Variants in FTSJ3 observed in about 807,000 individuals in gnomAD.
FTSJ3 encodes the protein pre-rRNA 2'-O-ribose RNA methyltransferase FTSJ3.
A neutral mutation model predicts 111.5 loss-of-function variants in FTSJ3; 46 were observed. The observed-to-expected ratio is 0.41, with a 90% CI of 0.33 to 0.53. The LOEUF is 0.53. Ranked by LOEUF, FTSJ3 falls within the 20% of genes least tolerant of loss-of-function variation. FTSJ3 has a pLI of 0.19. For missense variants in FTSJ3, 1,075 were observed against 1,063.8 expected, an observed-to-expected ratio of 1.01 and a Z score of -0.15; for synonymous variants, 408 against 383.0, an observed-to-expected ratio of 1.07 and a Z score of -0.76.
In FTSJ3 at chr17:63,825,161, A is replaced by T. The variant is rs915555606; in HGVS notation, c.598T>A (p.Phe200Ile). The change falls in exon 8 of 21, where the codon TTC becomes ATC. Residue 200 changes from phenylalanine (F) to isoleucine (I), a missense_variant and splice_region_variant. Physicochemically the swap from Phe to Ile is conservative, Grantham distance 21 (BLOSUM62 0). This residue lies in a region of FTSJ3 where 208 missense variants were observed against 266.9 expected (regional missense o/e 0.78). Transcript: ENST00000427159. ...CTGTCAACCTTGTCAGGGGCCAGGA[A>T]TCCTAAAAATGACAGGATATATTAA... ...SAEIFVVCQG[F>I]LAPDKVDSKF... 10 of 1,614,052 alleles carry T rather than the reference A, an allele frequency of 6.2e-6. No homozygotes were observed. The highest frequency in any genetic ancestry group is 3.3e-5 in the Admixed American group (2 of 60,008).
chr17:63,826,626 G>A lies in FTSJ3; in HGVS notation c.114C>T (p.Arg38=). ...SAFKLIQLNR[R]FQFLQKARAL... ...CTCGGGCTTTCTGCAGGAACTGAAA[G>A]CGGCGATTGAGCTGGATCAGCTTGA... Residue 38 remains arginine (R), a synonymous_variant, in exon 3 of 21, where the codon CGC becomes CGT. Transcript: ENST00000427159. The A allele has an allele frequency of 6.2e-7, 1 of 1,614,190 alleles. No homozygotes were observed. The highest frequency in any genetic ancestry group is 8.5e-7 in the Non-Finnish European group (1 of 1,180,042).
rs1270920347 is a variant in FTSJ3, at chr17:63,822,157, T to C, written c.1302A>G (p.Glu434=). The change falls in exon 14 of 21, where the codon GAA becomes GAG. Residue 434 remains glutamate, a synonymous_variant. Coordinates refer to ENST00000427159, the MANE Select transcript of FTSJ3 (RefSeq NM_017647.4). The part of the protein sequence containing the change: ...STIRGHQLLE[E]VTQGDMSAAD... ...CTGCACTCATATCCCCTTGTGTTAC[T>C]TCCTCTAATAACTGAAGTGTAACAG... is the stretch of plus-strand genomic sequence containing the variant. 3 of 1,613,508 alleles carry C rather than the reference T, an allele frequency of 1.9e-6. No homozygotes were observed. The highest frequency in any genetic ancestry group is 3.3e-4 in the Middle Eastern group (2 of 6,082).
rs764226116 is a variant in FTSJ3 at position 63,819,999 on chromosome 17, A to AG, written c.2352-6dup. The AG allele has an allele frequency of 1.4e-4, 230 of 1,613,880 alleles. No individual in the cohort carries two copies. Among genetic ancestry groups the AG allele is most frequent in the Non-Finnish European group, 1.9e-4 (226 of 1,179,924 alleles). On this transcript the variant is annotated splice_polypyrimidine_tract_variant and splice_region_variant and intron_variant, in intron 20 of 20. Transcript: ENST00000427159. The stretch of plus-strand genomic sequence containing the variant: ...AGCCCAGCCTTCTTGTAGAGACTAC[A>AG]GGGGGGAAGAGAAGAGGTTAGAGGC...
Position 63,826,590 on chromosome 17 carries a change from G to A in FTSJ3, c.150C>T (p.Asp50=). Reference sequence around the variant, plus strand: ...ACCATCCCCCTGGCGCAGCACACAGGTCCAGCAAGGCTCGGGCTTTCTGCA... The same window carrying A: ...ACCATCCCCCTGGCGCAGCACACAGATCCAGCAAGGCTCGGGCTTTCTGCA... The part of the protein sequence containing the change: ...QFLQKARALL[D]LCAAPGGWLQ... The change falls in exon 3 of 21, where the codon GAC becomes GAT. Residue 50 remains aspartate (D), a synonymous_variant. Transcript: ENST00000427159. 6.2e-7 allele frequency: 1 copy of A among 1,613,908 alleles called. No homozygotes were observed. Among genetic ancestry groups the A allele is most frequent in the Non-Finnish European group, 8.5e-7 (1 of 1,179,822 alleles).
rs1385454198 is a variant in FTSJ3 at position 63,826,090 on chromosome 17, A to T, written c.266T>A (p.Leu89His). ...ACGTTCTGTTGTGATGTCCTGCTGG[A>T]GAGTCACCACATTGGGGAGAGGCTT... ...PIKPLPNVVT[L>H]QQDITTERCR... Residue 89 changes from leucine to histidine, a missense_variant, in exon 5 of 21, where the codon CTC becomes CAC. By Grantham distance (99) the Leu-to-His change is moderately conservative. Coordinates refer to ENST00000427159, the MANE Select transcript of FTSJ3 (RefSeq NM_017647.4). The T allele has an allele frequency of 1.6e-5, 26 of 1,613,710 alleles. No homozygotes were observed. The highest frequency in any genetic ancestry group is 2.2e-5 in the Non-Finnish European group (26 of 1,179,582).
In FTSJ3 at chr17:63,825,126, A is replaced by G; in HGVS notation, c.633T>C (p.Phe211=). ...LAPDKVDSKF[F]DPKFAFKEVE... Reference sequence around the variant, plus strand: ...CCTCCTTAAAGGCAAATTTGGGGTCAAAGAATTTACTGTCAACCTTGTCAG... The same window carrying G: ...CCTCCTTAAAGGCAAATTTGGGGTCGAAGAATTTACTGTCAACCTTGTCAG... Residue 211 remains phenylalanine, a synonymous_variant, in exon 8 of 21, where the codon TTT becomes TTC. Coordinates refer to ENST00000427159, the MANE Select transcript of FTSJ3 (RefSeq NM_017647.4). 5 of 1,614,240 alleles carry G rather than the reference A, an allele frequency of 3.1e-6. No individual in the cohort carries two copies. Among genetic ancestry groups the G allele is most frequent in the Non-Finnish European group, 4.2e-6 (5 of 1,180,046 alleles).
chr17:63,827,425 T>C lies in FTSJ3; in HGVS notation c.-400A>G. 1.3e-6 allele frequency: 2 copies of C among 1,551,260 alleles called. No individual in the cohort carries two copies. Among genetic ancestry groups the C allele is most frequent in the Non-Finnish European group, 1.7e-6 (2 of 1,146,676 alleles). On this transcript the variant is annotated 5_prime_UTR_variant, in exon 1 of 21. Coordinates refer to ENST00000427159, the MANE Select transcript of FTSJ3 (RefSeq NM_017647.4). The stretch of plus-strand genomic sequence containing the variant: ...TCTCTGCCTGGTCTTCAGGTCCCAA[T>C]CCTCCGCTTCCGCGCTTGCGCGCCA...
rs1950043202 is a variant in FTSJ3, at chr17:63,821,069, C to T, written c.1933G>A (p.Asp645Asn). The change falls in exon 17 of 21, where the codon GAT becomes AAT. Residue 645 changes from aspartate to asparagine, a missense_variant. This residue lies in a region of FTSJ3 where 867 missense variants were observed against 796.9 expected (regional missense o/e 1.09). Transcript: ENST00000427159. Reference protein sequence around the residue: ...GKKRSRGPKSDDDGFEIVPIE... With the variant: ...GKKRSRGPKSNDDGFEIVPIE... ...GGCACTATCTCAAACCCGTCATCAT[C>T]TGACTTAGGCCCACGGCTTCGCTTC... The T allele has an allele frequency of 6.2e-7, 1 of 1,614,232 alleles. No individual in the cohort carries two copies. The highest frequency in any genetic ancestry group is 8.5e-7 in the Non-Finnish European group (1 of 1,180,044).
chr17:63,821,771 C>T lies in FTSJ3; in HGVS notation c.1548G>A (p.Glu516=). ...GTTCTTCCTGCAGTACTGCCTTTTCCTCCAGTGGTACCAGCAGTGGATTCT... is the reference window on the plus strand; with the variant it reads ...GTTCTTCCTGCAGTACTGCCTTTTCTTCCAGTGGTACCAGCAGTGGATTCT... The part of the protein sequence containing the change: ...EEENPLLVPL[E]EKAVLQEEQA... The change falls in exon 15 of 21, where the codon GAG becomes GAA. Residue 516 remains glutamate (E), a synonymous_variant. Coordinates refer to ENST00000427159, the MANE Select transcript of FTSJ3 (RefSeq NM_017647.4). The T allele has an allele frequency of 6.2e-7, 1 of 1,614,148 alleles. No individual in the cohort carries two copies. Among genetic ancestry groups the T allele is most frequent in the Non-Finnish European group, 8.5e-7 (1 of 1,180,022 alleles).
chr17:63,819,635 CCT>C lies in FTSJ3; in HGVS notation c.*165_*166del, dbSNP rs1233966447. The C allele has an allele frequency of 3.2e-6, 2 of 628,402 alleles. No homozygotes were observed. The highest frequency in any genetic ancestry group is 3.6e-5 in the African/African-American group (2 of 54,906). The allele number at this position is 628,402 out of a possible 1,614,324, so 38.9% of individuals were successfully genotyped here. A position where few individuals can be genotyped will look rare whatever the true frequency, so the allele number is the denominator to read the frequency against. On this transcript the variant is annotated 3_prime_UTR_variant, in exon 21 of 21. Coordinates refer to ENST00000427159, the MANE Select transcript of FTSJ3 (RefSeq NM_017647.4). ...CTTCAGGCAGGCAGGAGGACATCCT[CCT>C]CTCTGCTCAGGACCACCACGGGAGT...
intron 18 of FTSJ3, 144 bp from the exon 19 acceptor site, chr17:63,820,582 CA>C: frequency 2.5e-6 from 2 of 805,852 alleles, no homozygotes; most frequent in South Asian, 3.4e-5. Context: ...GGAGTTTGAC[CA>C]GCCTGGCCAA....
chr17:63,822,258 A>G (rs2040059084), intron 13 of FTSJ3, 90 bp from the exon 14 acceptor site: 1 of 1,109,710 alleles, frequency 9.0e-7, no homozygotes, highest in Non-Finnish European at 1.3e-6. Context: ...ATGCTCAGCA[A>G]CACTAGAAAG....
At chr17:63,820,207 A>ACT in intron 19 of FTSJ3, 34 bp from the exon 20 acceptor site, 1 of 310,964 alleles carries the variant, frequency 3.2e-6, no homozygotes, top group South Asian at 2.9e-5. Flanking sequence ...CCTCTTCCCC[A>ACT]TCCCCCCACC....
rs1241365453 is a variant in FTSJ3, at chr17:63,820,307, T to C, written c.2204A>G (p.Asn735Ser). The stretch of plus-strand genomic sequence containing the variant: ...AGCCACCTTCTTGATGGGACGTGCA[T>C]TGATTTCCCGCCAGCGTTTCCGGTA... ...EHYRKRWREINARPIKKVAEA... is the reference protein window; with the variant it reads ...EHYRKRWREISARPIKKVAEA... The change falls in exon 19 of 21, where the codon AAT becomes AGT. Residue 735 changes from asparagine to serine, a missense_variant. Transcript: ENST00000427159. 6.8e-6 allele frequency: 11 copies of C among 1,610,938 alleles called. No homozygotes were observed. Among genetic ancestry groups the C allele is most frequent in the African/African-American group, 1.3e-5 (1 of 74,316 alleles).
chr17:63,826,536 C>T (rs369853884), intron 3 of FTSJ3, 31 bp downstream of exon 3: 17 of 1,572,794 alleles, frequency 1.1e-5, no homozygotes, highest in Non-Finnish European at 1.4e-5. Flanking sequence ...AAAGCGGCCA[C>T]CAGGAGCAAC....
At position 63,820,854 on chromosome 17, in the gene FTSJ3, T is replaced by C; in HGVS notation, c.2057A>G (p.Asp686Gly). 6.2e-7 allele frequency: 1 copy of C among 1,613,318 alleles called. No individual in the cohort carries two copies. Among genetic ancestry groups the C allele is most frequent in the Non-Finnish European group, 8.5e-7 (1 of 1,179,324 alleles). Residue 686 changes from aspartate to glycine, a missense_variant, in exon 18 of 21, where the codon GAT becomes GGT. Asp to Gly is a moderately conservative substitution (Grantham distance 94). This residue lies in a region of FTSJ3 where 867 missense variants were observed against 796.9 expected (regional missense o/e 1.09). Coordinates refer to ENST00000427159, the MANE Select transcript of FTSJ3 (RefSeq NM_017647.4). ...GCCCCTTTACCGGTTGAAGGAGTTATCTATGAGGTCTCTCTTGGCCTTTTT... is the reference window on the plus strand; with the variant it reads ...GCCCCTTTACCGGTTGAAGGAGTTACCTATGAGGTCTCTCTTGGCCTTTTT... ...SSKKAKRDLI[D>G]NSFNRYTFNE...
chr17:63,826,374 C>T (rs1352469377), intron 3 of FTSJ3, 70 bp from the exon 4 acceptor site: 3 of 1,461,132 alleles, frequency 2.1e-6, no homozygotes, highest in Admixed American at 3.3e-5. Flanking sequence ...GATCTCTCAT[C>T]CCTGGTGTTA....
intron 16 of FTSJ3, 107 bp downstream of exon 16, chr17:63,821,245 GTA>G (rs1180517687): frequency 6.6e-7 from 1 of 1,506,750 alleles, no homozygotes; most frequent in African/African-American, 1.4e-5. Context: ...CGTCAGTACA[GTA>G]TTTTTAACCC....
Position 63,821,830 on chromosome 17 carries a change from C to G in FTSJ3, c.1489G>C (p.Glu497Gln). 6.2e-7 allele frequency: 1 copy of G among 1,614,110 alleles called. No individual in the cohort carries two copies. Among genetic ancestry groups the G allele is most frequent in the East Asian group, 2.2e-5 (1 of 44,888 alleles). Residue 497 changes from glutamate (E) to glutamine (Q), a missense_variant, in exon 15 of 21, where the codon GAA becomes CAA. Coordinates refer to ENST00000427159, the MANE Select transcript of FTSJ3 (RefSeq NM_017647.4). The part of the protein sequence containing the change: ...LRDQKRMRLT[E>Q]VQDDKEEEEE... ...TCCTCCTCTTTATCATCTTGCACTT[C>G]AGTAAGTCGCATACTGTAGACCCAA...
Sources: gnomAD v4.1 joint callset for allele counts on GRCh38, gnomAD v4.1.1 for gene constraint, gnomAD v4.1.1 regional missense constraint, MANE v1.5 for transcripts, NCBI Gene and HGNC (gene_info 2026-07-23, HGNC 2026-07-21) for gene names.